The following SPAG16 variants were observed in gnomAD, a reference collection of about 807,000 sequenced individuals.
SPAG16 encodes the protein sperm associated antigen 16, also known as sperm-associated antigen 16 protein.
SPAG16 carries 86 observed loss-of-function variants against 80.4 expected under a neutral mutation model. That is an observed-to-expected ratio of 1.07 (90% CI 0.90 to 1.28). SPAG16 has a LOEUF of 1.28. Among genes scored for constraint, SPAG16 ranks in the 50% most tolerant of loss-of-function variants. SPAG16 has a pLI of 0.00. For synonymous variants in SPAG16, 294 were observed against 265.9 expected, an observed-to-expected ratio of 1.11 and a Z score of -1.03; for missense variants, 870 against 765.3, an observed-to-expected ratio of 1.14 and a Z score of -1.61.
At chr2:214,207,973 C>G (rs1183257771) in intron 15 of SPAG16, among the ~76,000 whole-genome samples, 1 of 152,224 alleles carries the variant, frequency 6.6e-6, no homozygotes, top group African/African-American at 2.4e-5. Flanking sequence ...GAAGTCTGCA[C>G]TGTCAGCTTC....
chr2:213,576,305 A>G (rs558700110), intron 10 of SPAG16, among the ~76,000 whole-genome samples: 47 of 152,186 alleles, frequency 3.1e-4, no homozygotes, highest in Non-Finnish European at 6.2e-4. Flanking sequence ...TACCAGTACC[A>G]TGCTGTTTTG....
intron 9 of SPAG16, among the ~76,000 whole-genome samples, chr2:213,446,564 A>G (rs1450964517): frequency 6.6e-6 from 1 of 152,210 alleles, no homozygotes; most frequent in Non-Finnish European, 1.5e-5. Flanking sequence ...AAAATGAACA[A>G]TAGGTTTTAT....
At chr2:214,031,576 C>T (rs931412378) in intron 13 of SPAG16, among the ~76,000 whole-genome samples, 66 of 130,380 alleles carry the variant, frequency 5.1e-4, no homozygotes, top group African/African-American at 1.9e-3. Context: ...GCACATGTAC[C>T]CTAAAACTTA....
intron 10 of SPAG16, among the ~76,000 whole-genome samples, chr2:213,728,770 G>A (rs895477140): frequency 1.3e-5 from 2 of 151,328 alleles, no homozygotes; most frequent in Non-Finnish European, 1.5e-5. Context: ...CCAGCTGCTC[G>A]GCAGGCTGAG....
In SPAG16 at chr2:213,634,789, T is replaced by C. The variant is rs564975255; in HGVS notation, c.1070+144699T>C. ...CCTCCCGAACCCTCAAAGTCCACTATATCATTCTTATGCCTTTACATCTTC... is the reference window on the plus strand; with the variant it reads ...CCTCCCGAACCCTCAAAGTCCACTACATCATTCTTATGCCTTTACATCTTC... On this transcript the variant is annotated intron_variant, in intron 10 of 15. Coordinates refer to ENST00000331683, the MANE Select transcript of SPAG16 (RefSeq NM_024532.5). 3.3e-5 allele frequency among the ~76,000 whole-genome samples: 5 copies of C among 152,204 alleles called. No homozygotes were observed. The South Asian group carries it at 1.0e-3, about 32-fold the overall frequency.
intron 10 of SPAG16, among the ~76,000 whole-genome samples, chr2:213,529,082 A>G (rs1006110727): frequency 6.6e-6 from 1 of 152,144 alleles, no homozygotes; most frequent in African/African-American, 2.4e-5. Context: ...GTAGGATTTA[A>G]TTTTTATTGA....
intron 15 of SPAG16, among the ~76,000 whole-genome samples, chr2:214,336,026 G>T (rs897131720): frequency 6.6e-5 from 10 of 151,970 alleles, no homozygotes; most frequent in African/African-American, 1.9e-4. Flanking sequence ...CAAAGTGCTG[G>T]GATTATGGCT....
intron 10 of SPAG16, among the ~76,000 whole-genome samples, chr2:213,648,002 T>C (rs1574639807): frequency 6.6e-6 from 1 of 152,218 alleles, no homozygotes; most frequent in Non-Finnish European, 1.5e-5. Flanking sequence ...CAGAAATGTC[T>C]ACTCTCTTAA....
chr2:213,962,017 T>C (rs890233427), intron 12 of SPAG16, among the ~76,000 whole-genome samples: 47 of 152,154 alleles, frequency 3.1e-4, no homozygotes, highest in African/African-American at 1.1e-3. Context: ...GCCTGTCCTT[T>C]TCTTTGTGTA....
chr2:214,123,047 A>T (rs1051514632), intron 14 of SPAG16, among the ~76,000 whole-genome samples: 1 of 152,082 alleles, frequency 6.6e-6, no homozygotes, highest in East Asian at 1.9e-4. Flanking sequence ...TTGGAAAGAA[A>T]ATAATTTCTA....
At chr2:214,179,538 G>C (rs756211213) in intron 15 of SPAG16, among the ~76,000 whole-genome samples, 20 of 151,338 alleles carry the variant, frequency 1.3e-4, no homozygotes, top group Admixed American at 5.3e-4. Context: ...TCTACAAAAT[G>C]GTCTCTCCTG....
chr2:213,385,475 T>C (rs2067378946), intron 9 of SPAG16, among the ~76,000 whole-genome samples: 1 of 152,206 alleles, frequency 6.6e-6, no homozygotes. Flanking sequence ...AACCCATAGG[T>C]ACATGTTGGC....
chr2:213,334,734 C>G (rs1204532996), intron 5 of SPAG16, among the ~76,000 whole-genome samples: 1 of 152,078 alleles, frequency 6.6e-6, no homozygotes, highest in Non-Finnish European at 1.5e-5. Flanking sequence ...TCTCATTTAT[C>G]TGTGGAATCT....
intron 10 of SPAG16, among the ~76,000 whole-genome samples, chr2:213,736,247 A>C (rs1435805191): frequency 6.6e-6 from 1 of 152,200 alleles, no homozygotes; most frequent in Non-Finnish European, 1.5e-5. Flanking sequence ...TAATAAAGAT[A>C]ATGATGATGA....
intron 10 of SPAG16, among the ~76,000 whole-genome samples, chr2:213,839,179 T>C (rs954056480): frequency 6.6e-6 from 1 of 152,232 alleles, no homozygotes; most frequent in Admixed American, 6.5e-5. Flanking sequence ...ATTCTTCAAC[T>C]GTCAATACTA....
chr2:213,715,567 T>C (rs766463350), intron 10 of SPAG16, among the ~76,000 whole-genome samples: 4 of 152,162 alleles, frequency 2.6e-5, no homozygotes, highest in Non-Finnish European at 4.4e-5. Flanking sequence ...GAAATATCAG[T>C]ACCTTCCTCA....
rs1321178335 is a variant in SPAG16 at position 214,059,204 on chromosome 2, A to ATATGTATGTG, written c.1527+45130_1527+45131insGTATGTGTAT. Among the ~76,000 whole-genome samples, 237 of 85,398 alleles carry ATATGTATGTG rather than the reference A, an allele frequency of 2.8e-3. 1 individual carries two copies. Among genetic ancestry groups the ATATGTATGTG allele is most frequent in the African/African-American group, 0.01 (225 of 21,496 alleles). The allele number at this position is 85,398 out of a possible 152,430, so 56.0% of individuals were successfully genotyped here. The stretch of plus-strand genomic sequence containing the variant: ...TCTCTGTCTATATATATATATATAT[A>ATATGTATGTG]TATATATATATGTATGTGTATATAT... On this transcript the variant is annotated intron_variant, in intron 13 of 15. Transcript: ENST00000331683.
Position 214,009,036 on chromosome 2 carries a change from A to G in SPAG16, c.1401-4915A>G, listed in dbSNP as rs554503119. ...TTATCTCCACTTCACCCAGGATTAA[A>G]CTCCAGAGTATTCTTTCTAGCAGTA... On this transcript the variant is annotated intron_variant, in intron 12 of 15. Coordinates refer to ENST00000331683, the MANE Select transcript of SPAG16 (RefSeq NM_024532.5). Among the ~76,000 whole-genome samples the G allele has an allele frequency of 5.9e-5, 9 of 152,228 alleles. No individual in the cohort carries two copies. The South Asian group carries it at 1.2e-3, about 21-fold the overall frequency.
At chr2:213,977,956 C>G (rs2045504748) in intron 12 of SPAG16, among the ~76,000 whole-genome samples, 1 of 146,760 alleles carries the variant, frequency 6.8e-6, no homozygotes, top group Admixed American at 6.9e-5. Context: ...ATACTATACT[C>G]TTTACCTTCT....
Sources: gnomAD v4.1 joint callset for allele counts (sites outside exome capture counted in the v4.1 genomes callset) on GRCh38, gnomAD v4.1.1 for gene constraint, MANE v1.5 for transcripts, NCBI Gene and HGNC (gene_info 2026-07-23, HGNC 2026-07-21) for gene names.